The following MCM6 variants were observed in gnomAD, a reference collection of about 807,000 sequenced individuals.
MCM6 encodes the protein minichromosome maintenance complex component 6.
Under a neutral mutation model 94.3 loss-of-function variants are expected in MCM6, and 46 were observed. The ratio of observed to expected loss-of-function variants is 0.49; its 90% CI spans 0.39 to 0.62. The LOEUF is 0.62. Ranked by LOEUF, MCM6 falls within the 20% of genes least tolerant of loss-of-function variation. MCM6 has a pLI of 0.00. For missense variants in MCM6, 865 were observed against 1,017.9 expected, an observed-to-expected ratio of 0.85 and a Z score of 2.04; for synonymous variants, 335 against 351.9, an observed-to-expected ratio of 0.95 and a Z score of 0.54.
chr2:135,874,619 G>A (rs1680263583), intron 1 of MCM6, among the ~76,000 whole-genome samples: 1 of 152,210 alleles, frequency 6.6e-6, no homozygotes, highest in Non-Finnish European at 1.5e-5. Context: ...TATACAGGTT[G>A]AGCAGCCCTC....
chr2:135,868,849 A>T lies in MCM6; in HGVS notation c.377T>A (p.Leu126His), dbSNP rs775002412. Residue 126 changes from leucine (L) to histidine (H), a missense_variant, in exon 4 of 17, where the codon CTC becomes CAC. By Grantham distance (99) the Leu-to-His change is moderately conservative (BLOSUM62 -3). Around this residue, in one of 3 missense-constraint regions of MCM6, gnomAD observed 404 missense variants for 451.9 expected, o/e 0.89. Coordinates refer to ENST00000264156, the MANE Select transcript of MCM6 (RefSeq NM_005915.6). ...GAGCAAACCAATTCTGGATGAGGTG[A>T]GCTCTCGAATCCTGTTTAAAGACAA... is the stretch of plus-strand genomic sequence containing the variant. ...DLPTRHKIRE[L>H]TSSRIGLLTR... The T allele has an allele frequency of 6.2e-7, 1 of 1,614,108 alleles. No individual in the cohort carries two copies. The highest frequency in any genetic ancestry group is 8.5e-7 in the Non-Finnish European group (1 of 1,179,992).
chr2:135,876,186 C>T (rs138586953), intron 1 of MCM6, 73 bp downstream of exon 1: 3 of 1,214,074 alleles, frequency 2.5e-6, no homozygotes, highest in Non-Finnish European at 3.3e-6. Flanking sequence ...CACCCGCCGC[C>T]CACACGGCAC....
intron 6 of MCM6, among the ~76,000 whole-genome samples, chr2:135,865,717 T>C (rs1409568801): frequency 6.6e-6 from 1 of 152,182 alleles, no homozygotes; most frequent in Non-Finnish European, 1.5e-5. Context: ...AGACATCAAA[T>C]AAGACTTTTT....
Position 135,866,197 on chromosome 2 carries a change from C to T in MCM6, c.862G>A (p.Gly288Ser), listed in dbSNP as rs764873784. 3 of 1,614,152 alleles carry T rather than the reference C, an allele frequency of 1.9e-6. No homozygotes were observed. In the South Asian group the frequency reaches 3.3e-5, roughly 18 times the overall value. Residue 288 changes from glycine (G) to serine (S), a missense_variant, in exon 6 of 17, where the codon GGT (glycine) becomes AGT (serine). By Grantham distance (56) the Gly-to-Ser change is moderately conservative (BLOSUM62 0). Transcript: ENST00000264156. ...AGCCTATAAGAAAGGTCCCTAACACCAAGGGCCCGGAGTCCTCGAATGCCT... is the reference window on the plus strand; with the variant it reads ...AGCCTATAAGAAAGGTCCCTAACACTAAGGGCCCGGAGTCCTCGAATGCCT... ...TEGIRGLRAL[G>S]VRDLSYRLVF...
chr2:135,847,831 G>A (rs1679700394), intron 14 of MCM6, among the ~76,000 whole-genome samples: 1 of 152,154 alleles, frequency 6.6e-6, no homozygotes, highest in South Asian at 2.1e-4. Flanking sequence ...CAAAGTGCTG[G>A]AATTATAGGC....
At chr2:135,875,079 A>G (rs1277678350) in intron 1 of MCM6, among the ~76,000 whole-genome samples, 3 of 152,128 alleles carry the variant, frequency 2.0e-5, no homozygotes, top group Non-Finnish European at 4.4e-5. Flanking sequence ...GGAAGATGAA[A>G]AGAGTTTGGA....
chr2:135,868,568 TATC>T, intron 4 of MCM6, 40 bp downstream of exon 4: 1 of 1,590,514 alleles, frequency 6.3e-7, no homozygotes, highest in Middle Eastern at 1.7e-4. Flanking sequence ...AGTGAATTAT[TATC>T]ATAGATGGAC....
At chr2:135,867,022 A>G (rs1680105342) in intron 4 of MCM6, among the ~76,000 whole-genome samples, 1 of 152,236 alleles carries the variant, frequency 6.6e-6, no homozygotes, top group Admixed American at 6.5e-5. Flanking sequence ...TTCTTTGTTC[A>G]AAATGACTCC....
rs375104649 is a variant in MCM6, at chr2:135,859,316, C to A, written c.1347G>T (p.Leu449Phe). Residue 449 changes from leucine (L) to phenylalanine (F), a missense_variant, in exon 9 of 17, where the codon TTG becomes TTT. Physicochemically the swap from Leu to Phe is conservative, Grantham distance 22 (BLOSUM62 0). Transcript: ENST00000264156. ...SHEFVIEAGA[L>F]MLADNGVCCI... is the part of the protein sequence containing the mutation. ...ATGTTCTTACATTATCAGCCAACAT[C>A]AAAGCTCCAGCCTCAATGACAAACT... The A allele has an allele frequency of 1.2e-6, 2 of 1,613,430 alleles. No homozygotes were observed. Among genetic ancestry groups the A allele is most frequent in the African/African-American group, 1.3e-5 (1 of 74,998 alleles).
rs1294885559 is a variant in MCM6 at position 135,862,711 on chromosome 2, G to A, written c.1116C>T (p.Leu372=). The A allele has an allele frequency of 1.2e-6, 2 of 1,614,134 alleles. No individual in the cohort carries two copies. The highest frequency in any genetic ancestry group is 4.5e-5 in the East Asian group (2 of 44,884). ...CTGTTGTCTTTGGAACGCCACCAAA[G>A]AGCATCAGCAGGACACCCCGTTTTA... ...DEVKRGVLLM[L]FGGVPKTTGE... Residue 372 remains leucine, a synonymous_variant, in exon 8 of 17, where the codon CTC becomes CTT. Coordinates refer to ENST00000264156, the MANE Select transcript of MCM6 (RefSeq NM_005915.6).
chr2:135,876,125 G>C (rs753196312), intron 1 of MCM6, 134 bp downstream of exon 1: 2 of 628,024 alleles, frequency 3.2e-6, no homozygotes, highest in Non-Finnish European at 5.0e-6. Context: ...CCTAAAGTTG[G>C]GGGGCGGGCG....
At chr2:135,864,529 T>C (rs1680054453) in intron 7 of MCM6, among the ~76,000 whole-genome samples, 2 of 152,074 alleles carry the variant, frequency 1.3e-5, no homozygotes, top group African/African-American at 4.8e-5. Context: ...GCCAGGAGAC[T>C]AGTCTCGCAT....
intron 16 of MCM6, among the ~76,000 whole-genome samples, chr2:135,843,048 G>C (rs1679603590): frequency 6.6e-6 from 1 of 152,218 alleles, no homozygotes; most frequent in Non-Finnish European, 1.5e-5. Flanking sequence ...ATGCCTGGTG[G>C]CTTGGGTGGG....
In MCM6 at chr2:135,866,680, G is replaced by A. The variant is rs144893830; in HGVS notation, c.664C>T (p.Arg222Cys). Residue 222 changes from arginine to cysteine, a missense_variant, in exon 5 of 17, where the codon CGC (arginine) becomes TGC (cysteine). Around this residue, in one of 3 missense-constraint regions of MCM6, gnomAD observed 404 missense variants for 451.9 expected, o/e 0.89. Transcript: ENST00000264156. ...GCCCTTAAAATTACTTCTAAACTGCGGGGGATACTCCCTCGAGGAAGCTCA... is the reference window on the plus strand; with the variant it reads ...GCCCTTAAAATTACTTCTAAACTGCAGGGGATACTCCCTCGAGGAAGCTCA... ...QAELPRGSIP[R>C]SLEVILRAEA... 124 of 1,613,822 alleles carry A rather than the reference G, an allele frequency of 7.7e-5. No individual in the cohort carries two copies. The African/African-American group carries it at 8.9e-4, about 12-fold the overall frequency.
At chr2:135,858,116 G>C (rs531795785) in intron 9 of MCM6, 112 bp from the exon 10 acceptor site, 1 of 923,516 alleles carries the variant, frequency 1.1e-6, no homozygotes, top group Admixed American at 1.8e-5. Context: ...CTTCACTAAG[G>C]CCGGGCATTT....
At chr2:135,845,350 C>T (rs756406513) in intron 15 of MCM6, among the ~76,000 whole-genome samples, 1 of 152,148 alleles carries the variant, frequency 6.6e-6, no homozygotes, top group Non-Finnish European at 1.5e-5. Context: ...TTAAAACTTA[C>T]TTGTATGAGG....
intron 2 of MCM6, among the ~76,000 whole-genome samples, chr2:135,872,452 A>AAAACAAAC (rs4988157): frequency 3.8e-4 from 57 of 151,612 alleles, no homozygotes; most frequent in Middle Eastern, 3.4e-3. Flanking sequence ...TCCGTCTCAA[A>AAAACAAAC]AAACAAACAA....
intron 1 of MCM6, among the ~76,000 whole-genome samples, chr2:135,874,753 C>G (rs1680265619): frequency 1.3e-5 from 2 of 151,134 alleles, no homozygotes; most frequent in Non-Finnish European, 3.0e-5. Flanking sequence ...CATTCCAAAT[C>G]TGAAAAAAAA....
intron 9 of MCM6, among the ~76,000 whole-genome samples, chr2:135,858,486 C>T (rs536986867): frequency 2.0e-5 from 3 of 152,122 alleles, no homozygotes; most frequent in South Asian, 4.2e-4. Flanking sequence ...GACTTCATCA[C>T]GAAAAACAAG....
Sources: gnomAD v4.1 joint callset for allele counts (sites outside exome capture counted in the v4.1 genomes callset) on GRCh38, gnomAD v4.1.1 for gene constraint, gnomAD v4.1.1 regional missense constraint, MANE v1.5 for transcripts, NCBI Gene and HGNC (gene_info 2026-07-23, HGNC 2026-07-21) for gene names.